Variants in GABBR2 observed in about 807,000 individuals in gnomAD.
GABBR2 encodes the protein G-protein coupled receptor 51.
Under a neutral mutation model 105.6 loss-of-function variants are expected in GABBR2, and 23 were observed. The observed-to-expected ratio is 0.22, with a 90% CI of 0.16 to 0.31. The LOEUF (loss-of-function observed/expected upper bound fraction) is 0.31, where lower values mean the gene tolerates loss of function less well. GABBR2 is among the 10% of genes least tolerant of loss of function. GABBR2 has a pLI of 1.00. For missense variants in GABBR2, 734 were observed against 1,245.5 expected (o/e 0.59, Z 6.18); for synonymous variants, 478 against 499.7 (o/e 0.96, Z 0.58).
At chr9:98,298,870 G>T (rs1258938002) in intron 17 of GABBR2, among the ~76,000 whole-genome samples, 1 of 152,156 alleles carries the variant, frequency 6.6e-6, no homozygotes, top group Non-Finnish European at 1.5e-5. Context: ...TTGAAACTGT[G>T]AAATATCGTT....
intron 1 of GABBR2, among the ~76,000 whole-genome samples, chr9:98,633,339 C>A (rs1259678437): frequency 6.6e-6 from 1 of 152,142 alleles, no homozygotes; most frequent in Admixed American, 6.5e-5. Flanking sequence ...ATAAGAAGAA[C>A]AGGCCAGGCG....
At chr9:98,373,851 CTTTTTTTTTTTT>C (rs577915397) in intron 11 of GABBR2, among the ~76,000 whole-genome samples, 2 of 86,690 alleles carry the variant, frequency 2.3e-5, no homozygotes, top group African/African-American at 9.8e-5. Flanking sequence ...CAAAGCATTC[CTTTTTTTTTTTT>C]TTTTTTTTTT....
At chr9:98,515,177 A>T (rs2131703494) in intron 3 of GABBR2, among the ~76,000 whole-genome samples, 1 of 152,284 alleles carries the variant, frequency 6.6e-6, no homozygotes, top group African/African-American at 2.4e-5. Context: ...CATCAGATGG[A>T]GGGGCAGACG....
At chr9:98,619,923 C>G (rs1240186194) in intron 1 of GABBR2, among the ~76,000 whole-genome samples, 2 of 152,204 alleles carry the variant, frequency 1.3e-5, no homozygotes, top group Admixed American at 6.5e-5. Context: ...TGCATATGAA[C>G]CCCAGCTCAC....
intron 1 of GABBR2, among the ~76,000 whole-genome samples, chr9:98,707,974 G>T (rs1049206337): frequency 6.6e-6 from 1 of 152,220 alleles, no homozygotes; most frequent in African/African-American, 2.4e-5. Context: ...GGGGGCCTGT[G>T]AGCAGGCCCG....
chr9:98,626,488 T>C (rs1319728455), intron 1 of GABBR2, among the ~76,000 whole-genome samples: 1 of 152,128 alleles, frequency 6.6e-6, no homozygotes, highest in Non-Finnish European at 1.5e-5. Context: ...AAAGGTGAAA[T>C]CGTAGAGAGG....
chr9:98,601,743 G>T (rs1360045197), intron 1 of GABBR2, among the ~76,000 whole-genome samples: 1 of 152,106 alleles, frequency 6.6e-6, no homozygotes, highest in Non-Finnish European at 1.5e-5. Context: ...CTCTGTTAAG[G>T]CCAGTATGGG....
At chr9:98,543,097 T>C (rs977627129) in intron 2 of GABBR2, among the ~76,000 whole-genome samples, 2 of 152,140 alleles carry the variant, frequency 1.3e-5, no homozygotes, top group Non-Finnish European at 2.9e-5. Context: ...TTATTTCTTC[T>C]TTTTCTTTTA....
chr9:98,441,207 T>C (rs1383454468), intron 7 of GABBR2, among the ~76,000 whole-genome samples: 3 of 152,204 alleles, frequency 2.0e-5, no homozygotes, highest in Non-Finnish European at 4.4e-5. Context: ...CCCTCTAAAA[T>C]TAGCAAACTA....
chr9:98,358,447 A>G (rs1174992528), intron 13 of GABBR2, among the ~76,000 whole-genome samples: 1 of 152,162 alleles, frequency 6.6e-6, no homozygotes, highest in Non-Finnish European at 1.5e-5. Context: ...CTTGGCTTTC[A>G]GCTGAAAAGT....
At chr9:98,560,758 A>ATT (rs765019881) in intron 2 of GABBR2, among the ~76,000 whole-genome samples, 3 of 143,498 alleles carry the variant, frequency 2.1e-5, no homozygotes, top group South Asian at 2.2e-4. Context: ...TATATTTAGT[A>ATT]TTATATATAT....
intron 7 of GABBR2, among the ~76,000 whole-genome samples, chr9:98,410,608 G>A (rs1452660850): frequency 6.7e-6 from 1 of 150,088 alleles, no homozygotes; most frequent in Non-Finnish European, 1.5e-5. Flanking sequence ...TTCCTGAACC[G>A]TTGGAGTGTG....
chr9:98,306,178 C>T lies in GABBR2; in HGVS notation c.2172G>A (p.Val724=). 2 of 1,614,198 alleles carry T rather than the reference C, an allele frequency of 1.2e-6. No homozygotes were observed. The highest frequency in any genetic ancestry group is 1.7e-6 in the Non-Finnish European group (2 of 1,180,038). The change falls in exon 15 of 19, where the codon GTG becomes GTA. Residue 724 remains valine (V), a synonymous_variant. Coordinates refer to ENST00000259455, the MANE Select transcript of GABBR2 (RefSeq NM_005458.8). This position sits in a 1 kb window ranked among gnomAD's most constrained non-coding sequence, Gnocchi z 5.4. The stretch of plus-strand genomic sequence containing the variant: ...TGCTGCAGAAGATGATGACCAGAGC[C>T]ACGATGCAGAACTGCACATTGGGCT... The part of the protein sequence containing the change: ...RDQPNVQFCI[V]ALVIIFCSTI...
At chr9:98,644,239 G>T (rs1345709520) in intron 1 of GABBR2, among the ~76,000 whole-genome samples, 1 of 152,240 alleles carries the variant, frequency 6.6e-6, no homozygotes, top group Non-Finnish European at 1.5e-5. Context: ...ATAGACACAT[G>T]ATCACTGACC....
chr9:98,430,718 C>T (rs1825792691), intron 7 of GABBR2, among the ~76,000 whole-genome samples: 1 of 152,108 alleles, frequency 6.6e-6, no homozygotes, highest in Non-Finnish European at 1.5e-5. Flanking sequence ...CTGCAAACTT[C>T]TGCCTCCTTT....
intron 7 of GABBR2, among the ~76,000 whole-genome samples, chr9:98,432,784 T>A (rs1251218297): frequency 6.6e-6 from 1 of 152,156 alleles, no homozygotes; most frequent in Admixed American, 6.5e-5. Context: ...ATCCTACAGA[T>A]GAATTGAGGC....
intron 6 of GABBR2, among the ~76,000 whole-genome samples, chr9:98,467,588 C>A (rs1386263719): frequency 2.0e-5 from 3 of 152,186 alleles, no homozygotes; most frequent in Non-Finnish European, 4.4e-5. Flanking sequence ...TTCTTTGTCA[C>A]GGTGCTCACA....
At chr9:98,456,560 G>A (rs1826329017) in intron 6 of GABBR2, among the ~76,000 whole-genome samples, 3 of 152,060 alleles carry the variant, frequency 2.0e-5, no homozygotes, top group Admixed American at 1.3e-4. Flanking sequence ...GATCACTGAG[G>A]TACCACCAGA....
intron 13 of GABBR2, among the ~76,000 whole-genome samples, chr9:98,324,602 G>A (rs1266943638): frequency 1.3e-5 from 2 of 151,910 alleles, no homozygotes; most frequent in Admixed American, 1.3e-4. Flanking sequence ...TCAGAGAGGC[G>A]AGTGCACTGG....
Sources: gnomAD v4.1 joint callset for allele counts (sites outside exome capture counted in the v4.1 genomes callset) on GRCh38, gnomAD v4.1.1 for gene constraint, Gnocchi (gnomAD v3.1) non-coding constraint, MANE v1.5 for transcripts, NCBI Gene and HGNC (gene_info 2026-07-23, HGNC 2026-07-21) for gene names.